The following UTY variants were observed in gnomAD, a reference collection of about 807,000 sequenced individuals.
UTY encodes the protein ubiquitously transcribed tetratricopeptide repeat containing, Y-linked.
UTY carries 12 observed loss-of-function variants against 32.5 expected under a neutral mutation model. That is an observed-to-expected ratio of 0.37 (90% CI 0.24 to 0.60). The LOEUF (loss-of-function observed/expected upper bound fraction) is 0.60. Ranked by LOEUF, UTY falls within the 20% of genes least tolerant of loss-of-function variation. UTY has a pLI of 0.69. For synonymous variants in UTY, 131 were observed against 103.4 expected (o/e 1.27, Z -1.62); for missense variants, 303 against 299.2 (o/e 1.01, Z -0.09).
intron 4 of UTY, among the ~76,000 whole-genome samples, chrY:13,446,551 GAGATAGATAGATAGATAGAT>G (rs765977720): frequency 6.9e-3 from 72 of 10,404 alleles, no homozygotes; most frequent in East Asian, 0.024. Context: ...GTAACAGTGT[GAGATAGATAGATAGATAGAT>G]AGATAGATAG....
At chrY:13,431,029 A>T (rs2073952496) in intron 4 of UTY, among the ~76,000 whole-genome samples, 1 of 33,105 alleles carries the variant, frequency 3.0e-5, no homozygotes, top group Non-Finnish European at 7.4e-5. Context: ...AAAGAAAAGG[A>T]AAAAAGACCA....
At chrY:13,305,294 C>A in intron 24 of UTY, 105 bp downstream of exon 24, 2 of 198,681 alleles carry the variant, frequency 1.0e-5, no homozygotes, top group Non-Finnish European at 1.6e-5. Flanking sequence ...ATTTTAAAAT[C>A]TTTTTGGCTT....
chrY:13,335,881 C>T lies in UTY; in HGVS notation c.2516G>A (p.Gly839Glu). The change falls in exon 18 of 30, where the codon GGA becomes GAA. Residue 839 changes from glycine (G) to glutamate (E), a missense_variant. Physicochemically the swap from Gly to Glu is moderately conservative, Grantham distance 98. Transcript: ENST00000545955. ...IGKANGNVGT[G>E]TCDKVNNIHP... Reference sequence around the variant, plus strand: ...AATATTATTCACTTTGTCACAGGTTCCAGTACCCACATTGCCATTGGCTTT... The same window carrying T: ...AATATTATTCACTTTGTCACAGGTTTCAGTACCCACATTGCCATTGGCTTT... 2.5e-6 allele frequency: 1 copy of T among 397,250 alleles called. No individual in the cohort carries two copies. The highest frequency in any genetic ancestry group is 3.5e-6 in the Non-Finnish European group (1 of 283,286).
chrY:13,284,994 A>G (rs776992831), intron 27 of UTY, among the ~76,000 whole-genome samples: 57 of 34,340 alleles, frequency 1.7e-3, no homozygotes, highest in Non-Finnish European at 3.4e-3. Context: ...AAGTCATGCC[A>G]AGCTCTCTCT....
Position 13,323,606 on chromosome Y carries a change from T to C in UTY, c.3225A>G (p.Thr1075=). ...CCTGGTATTGTGCGTATTTGGCAAT[T>C]GTAGTATGAGATCTATTGCTTTCAC... ...WRCESNRSHT[T]IAKYAQYQAS... The change falls in exon 21 of 30, where the codon ACA becomes ACG. Residue 1075 remains threonine, a synonymous_variant. Transcript: ENST00000545955. The C allele has an allele frequency of 2.5e-6, 1 of 397,797 alleles. No individual in the cohort carries two copies. The highest frequency in any genetic ancestry group is 3.5e-6 in the Non-Finnish European group (1 of 282,862).
chrY:13,326,049 T>C (rs2060222361), intron 19 of UTY, among the ~76,000 whole-genome samples, 172 bp downstream of exon 19: 1 of 34,165 alleles, frequency 2.9e-5, no homozygotes, highest in South Asian at 6.4e-4. Context: ...AGAGCATTCA[T>C]TTGTTAAGTG....
chrY:13,453,330 A>T, intron 3 of UTY, among the ~76,000 whole-genome samples: 1 of 33,954 alleles, frequency 2.9e-5, no homozygotes, highest in South Asian at 6.5e-4. Context: ...ATAAGAAGTA[A>T]AACCAAAGAA....
intron 26 of UTY, 90 bp from the exon 27 acceptor site, chrY:13,297,938 T>C: frequency 1.5e-5 from 3 of 199,982 alleles, no homozygotes; most frequent in Non-Finnish European, 2.6e-5. Context: ...AGGTGACAAC[T>C]GCAATACCAA....
At chrY:13,403,973 C>T in intron 6 of UTY, among the ~76,000 whole-genome samples, 1 of 33,193 alleles carries the variant, frequency 3.0e-5, no homozygotes, top group Non-Finnish European at 7.4e-5. Context: ...TATTTATGAT[C>T]AAAAAATGTT....
At chrY:13,326,180 A>G in intron 19 of UTY, 41 bp downstream of exon 19, 1 of 391,647 alleles carries the variant, frequency 2.6e-6, no homozygotes, top group Non-Finnish European at 3.6e-6. Context: ...ACATTAGTTC[A>G]GACTCTCGAT....
At position 13,451,714 on chromosome Y, in the gene UTY, C is replaced by T. The variant is rs375510657; in HGVS notation, c.326-2648G>A. 5.2e-3 allele frequency among the ~76,000 whole-genome samples: 174 copies of T among 33,617 alleles called. No individual in the cohort carries two copies. In the South Asian group the frequency reaches 0.076, roughly 15 times the overall value. The allele number at this position is 33,617 out of a possible 37,273, so 90.2% of individuals were successfully genotyped here. A position where few individuals can be genotyped will look rare whatever the true frequency, so the allele number is the denominator to read the frequency against. ...AAGGCCAAGTAGAAAGCACAGACAT[C>T]TATCATATATCAGGCTACCTATTGC... On this transcript the variant is annotated intron_variant, in intron 3 of 29. Transcript: ENST00000545955.
At chrY:13,452,061 T>C (rs2076374784) in intron 3 of UTY, among the ~76,000 whole-genome samples, 1 of 33,883 alleles carries the variant, frequency 3.0e-5, no homozygotes, top group Admixed American at 2.7e-4. Flanking sequence ...CAATACCGTT[T>C]ACTGTAGATT....
intron 3 of UTY, among the ~76,000 whole-genome samples, chrY:13,468,575 G>A (rs779687501): frequency 3.1e-5 from 1 of 31,998 alleles, no homozygotes; most frequent in Non-Finnish European, 7.6e-5. Flanking sequence ...AGCTACTCAG[G>A]AGGCTGAGGC....
intron 28 of UTY, among the ~76,000 whole-genome samples, chrY:13,238,018 C>T (rs2148317811): frequency 2.9e-5 from 1 of 33,993 alleles, no homozygotes; most frequent in Admixed American, 2.6e-4. Flanking sequence ...GCTGCTATCA[C>T]TGAAACCAGT....
chrY:13,324,620 A>G lies in UTY; in HGVS notation c.3051T>C (p.Leu1017=). The change falls in exon 20 of 30, where the codon CTT becomes CTC. Residue 1017 remains leucine, a synonymous_variant. Coordinates refer to ENST00000545955, the MANE Select transcript of UTY (RefSeq NM_001258249.2). ...PKNPVTVIRG[L]AGALKLDLGL... ...GCTTACCTAATTTAAGAGCTCCAGCAAGGCCACGTATTACTGTAACAGGGT... is the reference window on the plus strand; with the variant it reads ...GCTTACCTAATTTAAGAGCTCCAGCGAGGCCACGTATTACTGTAACAGGGT... 2.5e-6 allele frequency: 1 copy of G among 396,849 alleles called. No individual in the cohort carries two copies. The highest frequency in any genetic ancestry group is 3.0e-5 in the South Asian group (1 of 33,362).
At position 13,281,884 on chromosome Y, in the gene UTY, T is replaced by C. The variant is rs1019737569; in HGVS notation, c.4010+15823A>G. The stretch of plus-strand genomic sequence containing the variant: ...CAGACAGAAAATGAACCAAGCAGCA[T>C]TGGACTTAGTATGCATTATAGACCA... On this transcript the variant is annotated intron_variant, in intron 27 of 29. Coordinates refer to ENST00000545955, the MANE Select transcript of UTY (RefSeq NM_001258249.2). Among the ~76,000 whole-genome samples the C allele has an allele frequency of 2.1e-4, 7 of 33,155 alleles. No individual in the cohort carries two copies. In the East Asian group the frequency reaches 4.7e-3, roughly 22 times the overall value. 89.0% of individuals were successfully genotyped at this position (33,155 alleles called of 37,273 possible).
At chrY:13,372,722 T>G (rs2149364756) in intron 8 of UTY, among the ~76,000 whole-genome samples, 1 of 33,357 alleles carries the variant, frequency 3.0e-5, no homozygotes, top group Non-Finnish European at 7.4e-5. Context: ...TATTTAGAAC[T>G]CCTACAATTT....
chrY:13,252,520 T>C, intron 28 of UTY, among the ~76,000 whole-genome samples: 1 of 33,920 alleles, frequency 2.9e-5, no homozygotes, highest in Non-Finnish European at 7.3e-5. Context: ...TCTATCCAAT[T>C]ATCAGCTGTT....
At chrY:13,447,283 G>GT (rs2076004007) in intron 4 of UTY, among the ~76,000 whole-genome samples, 1 of 32,661 alleles carries the variant, frequency 3.1e-5, no homozygotes. Flanking sequence ...AACATTTATG[G>GT]TAAGTCTGAG....
Sources: gnomAD v4.1 joint callset for allele counts (sites outside exome capture counted in the v4.1 genomes callset) on GRCh38, gnomAD v4.1.1 for gene constraint, MANE v1.5 for transcripts, NCBI Gene and HGNC (gene_info 2026-07-23, HGNC 2026-07-21) for gene names.